Variants in USP7 observed in about 807,000 individuals in gnomAD.
USP7 encodes ubiquitin specific peptidase 7, also known as ubiquitin C-terminal hydrolase 7.
In USP7, 9 loss-of-function variants were observed where a neutral mutation model predicts 162.9. The observed-to-expected ratio is 0.06, with a 90% CI of 0.03 to 0.10. The LOEUF (loss-of-function observed/expected upper bound fraction) is 0.10, where lower values mean the gene tolerates loss of function less well. USP7 is among the 10% of genes least tolerant of loss of function. The pLI is 1.00. For synonymous variants in USP7, 562 were observed against 475.9 expected (o/e 1.18, Z -2.35); for missense variants, 715 against 1,373.7 (o/e 0.52, Z 7.58).
chr16:8,900,814 A>G lies in USP7; in HGVS notation c.2208+176T>C, dbSNP rs533967730. ...ATATGTAACAATCAGATTTGATTCTACAACAGGTAAAAAAAAAAAATTCAC... is the reference window on the plus strand; with the variant it reads ...ATATGTAACAATCAGATTTGATTCTGCAACAGGTAAAAAAAAAAAATTCAC... On this transcript the variant is annotated intron_variant, in intron 20 of 30. Coordinates refer to ENST00000344836, the MANE Select transcript of USP7 (RefSeq NM_003470.3). 1.2e-4 allele frequency: 87 copies of G among 747,756 alleles called. No homozygotes were observed. The African/African-American group carries it at 1.4e-3, about 12-fold the overall frequency. 46.3% of individuals were successfully genotyped at this position (747,756 alleles called of 1,614,324 possible). A position where few individuals can be genotyped will look rare whatever the true frequency, so the allele number is the denominator to read the frequency against.
rs2061633238 is a variant in USP7 at position 8,893,464 on chromosome 16, C to T, written c.*534G>A. The stretch of plus-strand genomic sequence containing the variant: ...CCCCCAGGCAGCTGGAGGAGGAGAA[C>T]CCGAGGAAGGGCCGACAATGCACAC... On this transcript the variant is annotated 3_prime_UTR_variant, in exon 31 of 31. Coordinates refer to ENST00000344836, the MANE Select transcript of USP7 (RefSeq NM_003470.3). 1 of 154,086 alleles carries T rather than the reference C, an allele frequency of 6.5e-6. No individual in the cohort carries two copies. Among genetic ancestry groups the T allele is most frequent in the African/African-American group, 2.4e-5 (1 of 41,444 alleles). The allele number at this position is 154,086 out of a possible 1,614,324, so 9.5% of individuals were successfully genotyped here.
Position 8,893,573 on chromosome 16 carries a change from A to T in USP7, c.*425T>A, listed in dbSNP as rs1298128508. The T allele has an allele frequency of 5.8e-6, 1 of 171,048 alleles. No homozygotes were observed. The highest frequency in any genetic ancestry group is 2.4e-5 in the African/African-American group (1 of 42,250). The allele number at this position is 171,048 out of a possible 1,614,324, so 10.6% of individuals were successfully genotyped here. A position where few individuals can be genotyped will look rare whatever the true frequency, so the allele number is the denominator to read the frequency against. On this transcript the variant is annotated 3_prime_UTR_variant, in exon 31 of 31. Transcript: ENST00000344836. ...TGCACAAAAGGTCATTGAAAGTATA[A>T]CTGAAGGAAATAGGTCAGACGAGCC... is the stretch of plus-strand genomic sequence containing the variant.
chr16:8,892,561 G>A lies in USP7; in HGVS notation c.*1437C>T, dbSNP rs1159334676. The A allele has an allele frequency of 2.0e-5, 3 of 146,480 alleles. No individual in the cohort carries two copies. The highest frequency in any genetic ancestry group is 7.6e-5 in the African/African-American group (3 of 39,562). 9.1% of individuals were successfully genotyped at this position (146,480 alleles called of 1,614,324 possible). On this transcript the variant is annotated 3_prime_UTR_variant, in exon 31 of 31. Transcript: ENST00000344836. Reference sequence around the variant, plus strand: ...CCTTATTTGTACACAGTTCTCTCCTGGAAAACCTTTCATTTCTTAAGAGTA... The same window carrying A: ...CCTTATTTGTACACAGTTCTCTCCTAGAAAACCTTTCATTTCTTAAGAGTA...
At chr16:8,962,336 G>A (rs1160570851) in intron 1 of USP7, 1 of 181,152 alleles carries the variant, frequency 5.5e-6, no homozygotes, top group Admixed American at 5.6e-5. Flanking sequence ...GAGAAAAAGT[G>A]CCTTCCAACG....
chr16:8,897,867 C>G (rs186705524), intron 25 of USP7, among the ~76,000 whole-genome samples: 61 of 150,852 alleles, frequency 4.0e-4, no homozygotes, highest in African/African-American at 1.5e-3. Context: ...CCACTGCACT[C>G]CAGCCTGGGT....
intron 1 of USP7, among the ~76,000 whole-genome samples, chr16:8,938,731 G>T (rs1031626963): frequency 6.6e-6 from 1 of 151,920 alleles, no homozygotes; most frequent in Non-Finnish European, 1.5e-5. Context: ...AAATTGGGGG[G>T]ACGGGGGAGT....
chr16:8,925,846 T>C (rs1161890671), intron 2 of USP7, among the ~76,000 whole-genome samples: 1 of 152,240 alleles, frequency 6.6e-6, no homozygotes, highest in East Asian at 1.9e-4. Context: ...CTCTTCATAC[T>C]AGCAGAATAA....
At chr16:8,898,465 G>C (rs375115068) in intron 24 of USP7, 28 bp from the exon 25 acceptor site, 19 of 1,607,874 alleles carry the variant, frequency 1.2e-5, no homozygotes, top group Middle Eastern at 3.3e-4. Context: ...ATTCACATCA[G>C]ATACCGTCAC....
In USP7 at chr16:8,920,400, G is replaced by T. The variant is rs1897621715; in HGVS notation, c.570C>A (p.Thr190=). The T allele has an allele frequency of 1.2e-6, 2 of 1,613,562 alleles. No individual in the cohort carries two copies. Among genetic ancestry groups the T allele is most frequent in the Non-Finnish European group, 1.7e-6 (2 of 1,179,908 alleles). Reference sequence around the variant, plus strand: ...CATCCGCCTGTACAAAGACTTCAAAGGTAACTTTGTCATCATCTATAAATC... The same window carrying T: ...CATCCGCCTGTACAAAGACTTCAAATGTAACTTTGTCATCATCTATAAATC... ...EKGFIDDDKV[T]FEVFVQADAP... is the part of the protein sequence containing the mutation. Residue 190 remains threonine, a synonymous_variant, in exon 5 of 31, where the codon ACC becomes ACA. Transcript: ENST00000344836.
rs912142580 is a variant in USP7 at position 8,942,869 on chromosome 16, C to T, written c.80-12472G>A. 3.3e-5 allele frequency among the ~76,000 whole-genome samples: 5 copies of T among 152,162 alleles called. No homozygotes were observed. The South Asian group carries it at 6.2e-4, about 19-fold the overall frequency. On this transcript the variant is annotated intron_variant, in intron 1 of 30. Coordinates refer to ENST00000344836, the MANE Select transcript of USP7 (RefSeq NM_003470.3). ...AGCCACTTTGTGATTTTATACCCTC[C>T]AGTTATTTGGCCATATGCACCCTCA...
rs1177575485 is a variant in USP7 at position 8,963,315 on chromosome 16, C to G, written c.-30G>C. 6.1e-6 allele frequency: 6 copies of G among 988,192 alleles called. No individual in the cohort carries two copies. The highest frequency in any genetic ancestry group is 7.5e-6 in the Non-Finnish European group (6 of 805,006). The allele number at this position is 988,192 out of a possible 1,614,324, so 61.2% of individuals were successfully genotyped here. A position where few individuals can be genotyped will look rare whatever the true frequency, so the allele number is the denominator to read the frequency against. ...GCCGCGGCCTGGGCCTCGCCTGCGG[C>G]CGGGGGCCGGGGCTGCGAGCCCGGC... On this transcript the variant is annotated 5_prime_UTR_variant, in exon 1 of 31. Coordinates refer to ENST00000344836, the MANE Select transcript of USP7 (RefSeq NM_003470.3).
rs775928437 is a variant in USP7 at position 8,936,612 on chromosome 16, A to G, written c.80-6215T>C. 5 of 1,559,160 alleles carry G rather than the reference A, an allele frequency of 3.2e-6. No individual in the cohort carries two copies. In the African/African-American group the frequency reaches 5.4e-5, roughly 17 times the overall value. ...CAGCCCAAGCCTGTGGTTCCCAGCC[A>G]TCTCTGCATGGCTCTGCAGTGGCCT... is the stretch of plus-strand genomic sequence containing the variant. On this transcript the variant is annotated intron_variant, in intron 1 of 30. Coordinates refer to ENST00000344836, the MANE Select transcript of USP7 (RefSeq NM_003470.3).
chr16:8,896,610 C>T (rs1240999052), intron 26 of USP7, among the ~76,000 whole-genome samples: 8 of 152,186 alleles, frequency 5.3e-5, no homozygotes. Flanking sequence ...AATCAGGAGT[C>T]ACCCCTTCCA....
chr16:8,923,636 C>G (rs1323417433), intron 2 of USP7, among the ~76,000 whole-genome samples: 1 of 152,180 alleles, frequency 6.6e-6, no homozygotes, highest in East Asian at 1.9e-4. Context: ...AGAGTGCTAA[C>G]CATACACTTG....
chr16:8,924,937 T>C (rs1303052164), intron 2 of USP7, among the ~76,000 whole-genome samples: 3 of 152,192 alleles, frequency 2.0e-5, no homozygotes, highest in African/African-American at 4.8e-5. Context: ...AAAATAATTA[T>C]TTATTTGAGC....
At chr16:8,941,581 C>G (rs1232618986) in intron 1 of USP7, among the ~76,000 whole-genome samples, 1 of 152,220 alleles carries the variant, frequency 6.6e-6, no homozygotes, top group Non-Finnish European at 1.5e-5. Context: ...ATAGCAACAT[C>G]AGAGTGTAAA....
chr16:8,901,433 G>C (rs574615985), intron 18 of USP7, among the ~76,000 whole-genome samples, 199 bp from the exon 19 acceptor site: 2 of 152,278 alleles, frequency 1.3e-5, no homozygotes, highest in South Asian at 4.1e-4. Context: ...TATTACCGCT[G>C]AGTTTCCAAA....
intron 1 of USP7, among the ~76,000 whole-genome samples, chr16:8,933,033 G>A (rs915273731): frequency 7.2e-5 from 11 of 151,780 alleles, no homozygotes; most frequent in East Asian, 3.9e-4. Flanking sequence ...CTCTGCCTCC[G>A]GGGTGCCAGC....
chr16:8,947,097 T>C (rs1236857850), intron 1 of USP7, among the ~76,000 whole-genome samples: 1 of 152,208 alleles, frequency 6.6e-6, no homozygotes, highest in Non-Finnish European at 1.5e-5. Context: ...CCTGTTTTTT[T>C]CAGTATATCT....
Sources: allele counts gnomAD v4.1 joint callset (sites outside exome capture counted in the v4.1 genomes callset), GRCh38; gene constraint gnomAD v4.1.1; transcripts MANE v1.5; gene names NCBI Gene and HGNC (gene_info 2026-07-23, HGNC 2026-07-21).